Variants in PIK3R3 observed in about 807,000 individuals in gnomAD.
PIK3R3 encodes the protein phosphoinositide-3-kinase regulatory subunit 3.
A neutral mutation model predicts 62.9 loss-of-function variants in PIK3R3; 64 were observed. The observed-to-expected ratio is 1.02, with a 90% CI of 0.83 to 1.25. PIK3R3 has a LOEUF of 1.25. Ranked by LOEUF, PIK3R3 falls within the 50% of genes most tolerant of loss-of-function variation. PIK3R3 has a pLI of 0.00. For synonymous variants in PIK3R3, 165 were observed against 189.0 expected (o/e 0.87, Z 1.04); for missense variants, 614 against 561.6 (o/e 1.09, Z -0.94).
chr1:46,096,496 A>G (rs1652137852), intron 1 of PIK3R3, among the ~76,000 whole-genome samples: 1 of 152,254 alleles, frequency 6.6e-6, no homozygotes, highest in South Asian at 2.1e-4. Flanking sequence ...GCCACAAGTC[A>G]TTCCTCACAG....
chr1:46,140,584 A>G, the PIK3R3 span, among the ~76,000 whole-genome samples: 1,945 of 152,274 alleles, frequency 0.013, 32 homozygotes, highest in African/African-American at 0.041. Flanking sequence ...TCCTTATAAG[A>G]AAAACAGAGG....
the PIK3R3 span, among the ~76,000 whole-genome samples, chr1:46,146,750 C>T: frequency 7.4e-6 from 1 of 135,014 alleles, no homozygotes; most frequent in Non-Finnish European, 1.6e-5. Flanking sequence ...CACACACACA[C>T]ACACAGCTTT....
At position 46,066,959 on chromosome 1, in the gene PIK3R3, A is replaced by G. The variant is rs773474510; in HGVS notation, c.447T>C (p.Asn149=). Residue 149 remains asparagine (N), a synonymous_variant, in exon 4 of 10, where the codon AAT becomes AAC. Coordinates refer to ENST00000262741, the MANE Select transcript of PIK3R3 (RefSeq NM_003629.4). The part of the protein sequence containing the change: ...HYHHESLAQY[N]PKLDVKLMYP... The stretch of plus-strand genomic sequence containing the variant: ...ACATCAGCTTCACATCAAGTTTGGG[A>G]TTGTACTGAGCAAGAGATTCATGGT... 73 of 1,613,640 alleles carry G rather than the reference A, an allele frequency of 4.5e-5. No individual in the cohort carries two copies. The highest frequency in any genetic ancestry group is 3.0e-5 in the Non-Finnish European group (35 of 1,179,824).
At chr1:46,154,306 G>A in the PIK3R3 span, among the ~76,000 whole-genome samples, 8 of 152,112 alleles carry the variant, frequency 5.3e-5, no homozygotes, top group Admixed American at 4.6e-4. Flanking sequence ...GGTGGTGCAC[G>A]CCTGTAATCC....
chr1:46,077,524 A>C lies in PIK3R3; in HGVS notation c.305T>G (p.Leu102Trp). The change falls in exon 3 of 10, where the codon TTG becomes TGG. Residue 102 changes from leucine (L) to tryptophan (W), a missense_variant. Coordinates refer to ENST00000262741, the MANE Select transcript of PIK3R3 (RefSeq NM_003629.4). ...ACTGAAAAGTACTTACCGCAAAGTC[A>C]AAGTATAATCTCCCTGCATTTTTGT... ...ASTKMQGDYT[L>W]TLRKGGNNKL... The C allele has an allele frequency of 6.2e-7, 1 of 1,601,170 alleles. No homozygotes were observed. Among genetic ancestry groups the C allele is most frequent in the Non-Finnish European group, 8.6e-7 (1 of 1,168,304 alleles).
At chr1:46,063,785 C>T (rs977970474) in intron 5 of PIK3R3, among the ~76,000 whole-genome samples, 2 of 152,166 alleles carry the variant, frequency 1.3e-5, no homozygotes, top group Non-Finnish European at 1.5e-5. Context: ...TCAGCTAACC[C>T]CTTTTACATC....
intron 1 of PIK3R3, among the ~76,000 whole-genome samples, chr1:46,124,447 A>C (rs1571563910): frequency 1.3e-5 from 2 of 152,342 alleles, no homozygotes; most frequent in South Asian, 4.1e-4. Context: ...TATCTTGTTA[A>C]ATATGGCAAT....
chr1:46,117,840 A>G (rs1571546478), intron 1 of PIK3R3, among the ~76,000 whole-genome samples: 1 of 152,196 alleles, frequency 6.6e-6, no homozygotes, highest in Non-Finnish European at 1.5e-5. Context: ...AGGCCAGGGT[A>G]AGGGAATTGC....
At chr1:46,129,210 G>T (rs150926375) in intron 1 of PIK3R3, among the ~76,000 whole-genome samples, 7 of 152,190 alleles carry the variant, frequency 4.6e-5, no homozygotes, top group Admixed American at 3.9e-4. Flanking sequence ...ATACATATAA[G>T]ATTTCAACAT....
intron 1 of PIK3R3, among the ~76,000 whole-genome samples, chr1:46,085,876 T>C (rs907886479): frequency 6.6e-6 from 1 of 152,186 alleles, no homozygotes. Flanking sequence ...TATTTCTCTT[T>C]CCATTTTTAG....
At chr1:46,155,716 C>T in the PIK3R3 span, among the ~76,000 whole-genome samples, 1 of 152,130 alleles carries the variant, frequency 6.6e-6, no homozygotes, top group Non-Finnish European at 1.5e-5. Context: ...CCCACCTTGG[C>T]CTCCCAAAGT....
At chr1:46,047,932 C>A (rs1647161056) in intron 7 of PIK3R3, 1 of 152,222 alleles carries the variant, frequency 6.6e-6, no homozygotes, top group Non-Finnish European at 1.5e-5. Flanking sequence ...AGTCACGCGC[C>A]ACCATGCCCA....
At chr1:46,128,386 G>A (rs1198664326) in intron 1 of PIK3R3, among the ~76,000 whole-genome samples, 2 of 152,042 alleles carry the variant, frequency 1.3e-5, no homozygotes, top group East Asian at 1.9e-4. Context: ...GCAGTGAGCC[G>A]AGATAGAGCC....
chr1:46,114,360 C>A (rs1426280848), intron 1 of PIK3R3, among the ~76,000 whole-genome samples: 1 of 152,120 alleles, frequency 6.6e-6, no homozygotes, highest in Non-Finnish European at 1.5e-5. Flanking sequence ...CTTCAGTGGA[C>A]ATTGTTGTTA....
intron 7 of PIK3R3, among the ~76,000 whole-genome samples, chr1:46,049,254 G>C (rs963840366): frequency 2.0e-5 from 3 of 151,846 alleles, no homozygotes; most frequent in East Asian, 3.9e-4. Flanking sequence ...CAGCAAGTAA[G>C]GGAAAAAATA....
chr1:46,058,162 G>C (rs946727886), intron 6 of PIK3R3, among the ~76,000 whole-genome samples: 4 of 152,248 alleles, frequency 2.6e-5, no homozygotes, highest in Admixed American at 2.0e-4. Context: ...CCAAGTCTTG[G>C]CAGCTTCCAT....
rs1650200663 is a variant in PIK3R3, at chr1:46,077,727, GAGGTTAT to G, written c.216-121_216-115del. ...GGCAGCTTCGGCAGTAGGTGTGCCT[GAGGTTAT>G]AGAATAACGGAGCCATTTAGAGGTC... On this transcript the variant is annotated intron_variant, in intron 2 of 9. Transcript: ENST00000262741. The G allele has an allele frequency of 3.8e-5, 25 of 662,178 alleles. No individual in the cohort carries two copies. In the South Asian group the frequency reaches 4.0e-4, roughly 11 times the overall value. 41.0% of individuals were successfully genotyped at this position (662,178 alleles called of 1,614,324 possible). A position where few individuals can be genotyped will look rare whatever the true frequency, so the allele number is the denominator to read the frequency against.
At chr1:46,071,645 G>A (rs988740603) in intron 3 of PIK3R3, among the ~76,000 whole-genome samples, 4 of 139,912 alleles carry the variant, frequency 2.9e-5, no homozygotes, top group African/African-American at 5.4e-5. Context: ...AATGAGCCAA[G>A]ATTGCGCGCC....
intron 7 of PIK3R3, among the ~76,000 whole-genome samples, chr1:46,049,157 CTCT>C (rs1369869023): frequency 1.4e-5 from 2 of 143,554 alleles, no homozygotes; most frequent in Non-Finnish European, 1.5e-5. Context: ...GCCCAGCAAT[CTCT>C]TCTTAAAAAA....
Sources: allele counts gnomAD v4.1 joint callset (sites outside exome capture counted in the v4.1 genomes callset), GRCh38; gene constraint gnomAD v4.1.1; transcripts MANE v1.5; gene names NCBI Gene and HGNC (gene_info 2026-07-23, HGNC 2026-07-21).